SH3BP2: variants seen among roughly 807,000 people sequenced by gnomAD.
SH3BP2 encodes the protein SH3 domain binding protein 2, also known as SH3 domain-binding protein 2.
SH3BP2 carries 38 observed loss-of-function variants against 56.2 expected under a neutral mutation model. That is an observed-to-expected ratio of 0.68 (90% confidence interval 0.52 to 0.89). SH3BP2 has a LOEUF of 0.89. Among genes scored for constraint, SH3BP2 ranks in the 40% least tolerant of loss-of-function variants. SH3BP2 has a pLI of 0.00. For missense variants in SH3BP2, 748 were observed against 762.6 expected (o/e 0.98, Z 0.23); for synonymous variants, 346 against 316.7 (o/e 1.09, Z -0.98).
At chr4:2,832,001 G>C (rs552465082) in intron 10 of SH3BP2, 23 bp downstream of exon 10, 1 of 1,611,828 alleles carries the variant, frequency 6.2e-7, no homozygotes, top group South Asian at 1.1e-5. Flanking sequence ...CCCTGTGTGT[G>C]CTGGGTCCTC....
rs562799111 is a variant in SH3BP2, at chr4:2,819,986, T to C, written c.-4-628T>C. Among the ~76,000 whole-genome samples the C allele has an allele frequency of 1.6e-4, 24 of 152,160 alleles. No individual in the cohort carries two copies. The South Asian group carries it at 5.0e-3, about 32-fold the overall frequency. ...GGGCTCAGAGGGAAGGGGAGTGATA[T>C]CCTGGGCTGGTGGGGTGGATAGCAG... On this transcript the variant is annotated intron_variant, in intron 1 of 12. Transcript: ENST00000503393.
chr4:2,825,318 G>A, intron 5 of SH3BP2, 122 bp downstream of exon 5: 1 of 796,534 alleles, frequency 1.3e-6, no homozygotes, highest in Non-Finnish European at 2.2e-6. Flanking sequence ...GTTTCCTGGA[G>A]GTGCCAGCTG....
chr4:2,809,892 CAG>C (rs1351786147), intron 1 of SH3BP2: 3 of 858,876 alleles, frequency 3.5e-6, no homozygotes, highest in South Asian at 1.1e-4. Flanking sequence ...GGCACCAGCT[CAG>C]GGGCAGGGGA....
chr4:2,832,949 G>C (rs1725076049), intron 11 of SH3BP2, 41 bp from the exon 12 acceptor site: 5 of 1,606,470 alleles, frequency 3.1e-6, no homozygotes, highest in Admixed American at 1.7e-5. Flanking sequence ...TGGTCCCGCT[G>C]TTTCTCAGGG....
rs1027944172 is a variant in SH3BP2 at position 2,840,404 on chromosome 4, T to G, written c.*6570T>G. On this transcript the variant is annotated 3_prime_UTR_variant, in exon 13 of 13. Coordinates refer to ENST00000503393, the MANE Select transcript of SH3BP2 (RefSeq NM_001122681.2). The stretch of plus-strand genomic sequence containing the variant: ...ATATGGTGTGAGGTAAGGATTCACT[T>G]TCATTTTTTTCTCTCCATAGGGTTA... 1 of 152,136 alleles carries G rather than the reference T, an allele frequency of 6.6e-6. No individual in the cohort carries two copies. Among genetic ancestry groups the G allele is most frequent in the Non-Finnish European group, 1.5e-5 (1 of 68,040 alleles). 9.4% of individuals were successfully genotyped at this position (152,136 alleles called of 1,614,324 possible).
At chr4:2,824,219 A>G (rs1724465550) in intron 3 of SH3BP2, among the ~76,000 whole-genome samples, 1 of 152,104 alleles carries the variant, frequency 6.6e-6, no homozygotes. Context: ...CCTGAAATGC[A>G]CTCAGGGCTG....
intron 1 of SH3BP2, chr4:2,812,423 C>T (rs769440412): frequency 1.4e-5 from 21 of 1,550,144 alleles, no homozygotes; most frequent in East Asian, 1.2e-4. Flanking sequence ...CCCAGGACAC[C>T]GGCCCCGAGC....
chr4:2,795,161 G>A (rs1341015265), intron 1 of SH3BP2, among the ~76,000 whole-genome samples: 3 of 152,144 alleles, frequency 2.0e-5, no homozygotes, highest in Non-Finnish European at 2.9e-5. Context: ...CGCTGAGGGT[G>A]CTCTCCCTGG....
chr4:2,828,454 C>T (rs1421251627), intron 7 of SH3BP2, among the ~76,000 whole-genome samples: 2 of 152,178 alleles, frequency 1.3e-5, no homozygotes, highest in Admixed American at 6.5e-5. Flanking sequence ...CTCCTTCCCT[C>T]TGGGGTCCCA....
chr4:2,827,524 G>A, intron 6 of SH3BP2, 82 bp from the exon 7 acceptor site: 1 of 1,447,890 alleles, frequency 6.9e-7, no homozygotes, highest in South Asian at 1.2e-5. Context: ...TTGCCTCCTG[G>A]ACTCAGCCCC....
At chr4:2,832,548 C>T in intron 11 of SH3BP2, 136 bp downstream of exon 11, 1 of 744,338 alleles carries the variant, frequency 1.3e-6, no homozygotes, top group Non-Finnish European at 2.4e-6. Context: ...GAATTCTCTT[C>T]CCAGCAGCAC....
intron 2 of SH3BP2, 123 bp downstream of exon 2, chr4:2,820,876 C>A: frequency 5.1e-6 from 6 of 1,167,032 alleles, no homozygotes; most frequent in Non-Finnish European, 7.1e-6. Context: ...TTTTCCCATT[C>A]CCTCTCTGGT....
Position 2,805,092 on chromosome 4 carries a change from G to A in SH3BP2, c.-5+11954G>A, listed in dbSNP as rs903070817. On this transcript the variant is annotated intron_variant, in intron 1 of 12. Coordinates refer to ENST00000503393, the MANE Select transcript of SH3BP2 (RefSeq NM_001122681.2). The stretch of plus-strand genomic sequence containing the variant: ...CCCAACCTTCACACCCACTGTGCCC[G>A]TGGCCCAGGCGTCCCACGCATCCCA... Among the ~76,000 whole-genome samples, 59 of 152,200 alleles carry A rather than the reference G, an allele frequency of 3.9e-4. 1 individual carries two copies. The highest frequency in any genetic ancestry group is 2.5e-4 in the Non-Finnish European group (17 of 68,024).
At position 2,813,230 on chromosome 4, in the gene SH3BP2, A is replaced by G. The variant is rs562471639; in HGVS notation, c.-4-7384A>G. On this transcript the variant is annotated intron_variant, in intron 1 of 12. Transcript: ENST00000503393. ...GGAAGCCGCCCCATCTGCACATCCCACGCCCACCACCGGCCACCCACTGTG... is the reference window on the plus strand; with the variant it reads ...GGAAGCCGCCCCATCTGCACATCCCGCGCCCACCACCGGCCACCCACTGTG... 2.0e-5 allele frequency among the ~76,000 whole-genome samples: 3 copies of G among 152,322 alleles called. No homozygotes were observed. In the East Asian group the frequency reaches 5.8e-4, roughly 29 times the overall value.
intron 7 of SH3BP2, 94 bp downstream of exon 7, chr4:2,827,768 C>T (rs569637831): frequency 1.6e-4 from 176 of 1,067,394 alleles, no homozygotes; most frequent in Non-Finnish European, 2.3e-4. Context: ...GGGATGCTGG[C>T]CCAGGTACCG....
intron 1 of SH3BP2, among the ~76,000 whole-genome samples, chr4:2,798,801 G>T (rs1723145118): frequency 6.6e-6 from 1 of 152,238 alleles, no homozygotes; most frequent in African/African-American, 2.4e-5. Context: ...CCCAGGCTGA[G>T]ACCTCTAGGA....
At chr4:2,806,006 T>G (rs890325677) in intron 1 of SH3BP2, among the ~76,000 whole-genome samples, 5 of 152,188 alleles carry the variant, frequency 3.3e-5, no homozygotes, top group African/African-American at 1.2e-4. Context: ...GCTGGGCGGT[T>G]CCTCCCTTCC....
chr4:2,827,894 A>G (rs1288616289), intron 7 of SH3BP2, among the ~76,000 whole-genome samples: 1 of 152,142 alleles, frequency 6.6e-6, no homozygotes, highest in East Asian at 1.9e-4. Context: ...AGGAGGAGGG[A>G]CAGGCACATG....
In SH3BP2 at chr4:2,824,621, G is replaced by C. The variant is rs776318503; in HGVS notation, c.248G>C (p.Arg83Pro). The change falls in exon 4 of 13, where the codon CGG (arginine) becomes CCG (proline). Residue 83 changes from arginine (R) to proline (P), a missense_variant. Around this residue, in one of 3 missense-constraint regions of SH3BP2, gnomAD observed 104 missense variants for 123.1 expected, o/e 0.84. Coordinates refer to ENST00000503393, the MANE Select transcript of SH3BP2 (RefSeq NM_001122681.2). ...FSLSGYNRVMRAAEETTSNNV... is the reference protein window; with the variant it reads ...FSLSGYNRVMPAAEETTSNNV... ...TGGCGCTGTGCCCCCAGGGTGATGCGGGCGGCTGAGGAGACCACGTCCAAC... is the reference window on the plus strand; with the variant it reads ...TGGCGCTGTGCCCCCAGGGTGATGCCGGCGGCTGAGGAGACCACGTCCAAC... The C allele has an allele frequency of 1.2e-6, 2 of 1,613,412 alleles. No homozygotes were observed. Among genetic ancestry groups the C allele is most frequent in the Non-Finnish European group, 1.7e-6 (2 of 1,179,844 alleles).
Sources: gnomAD v4.1 joint callset for allele counts (sites outside exome capture counted in the v4.1 genomes callset) on GRCh38, gnomAD v4.1.1 for gene constraint, gnomAD v4.1.1 regional missense constraint, MANE v1.5 for transcripts, NCBI Gene and HGNC (gene_info 2026-07-23, HGNC 2026-07-21) for gene names.